Variants in KSR1 observed in about 807,000 individuals in gnomAD.
KSR1 encodes the protein kinase suppressor of ras 1.
In KSR1, 35 loss-of-function variants were observed where a neutral mutation model predicts 92.9. The ratio of observed to expected loss-of-function variants is 0.38; its 90% CI spans 0.29 to 0.50. The LOEUF (loss-of-function observed/expected upper bound fraction) is 0.50, where lower values mean the gene tolerates loss of function less well. Among genes scored for constraint, KSR1 ranks in the 20% least tolerant of loss-of-function variants. The probability of loss-of-function intolerance (pLI) is 0.94; values close to 1 mark genes in which losing one functional copy is unlikely to be tolerated. For missense variants in KSR1, 972 were observed against 1,158.5 expected (o/e 0.84, Z 2.34); for synonymous variants, 467 against 472.6 (o/e 0.99, Z 0.15).
intron 1 of KSR1, among the ~76,000 whole-genome samples, chr17:27,527,902 G>T (rs2070378806): frequency 6.6e-6 from 1 of 152,062 alleles, no homozygotes; most frequent in Non-Finnish European, 1.5e-5. Context: ...GTAATTCTTT[G>T]CTCTCCCCAA....
intron 1 of KSR1, chr17:27,526,505 TTCC>T: frequency 6.2e-7 from 1 of 1,604,112 alleles, no homozygotes; most frequent in Non-Finnish European, 8.5e-7. Flanking sequence ...TTATCCTGTG[TTCC>T]TCCTCTGCCA....
rs2073548328 is a variant in KSR1 at position 27,601,302 on chromosome 17, T to TC, written c.1469-56dup. ...CCCAAGCCGGTACCTGCAATTCCGCTCCTCCCTCCTGCGTTGGCCGTTCTG... is the reference window on the plus strand; with the variant it reads ...CCCAAGCCGGTACCTGCAATTCCGCTCCCTCCCTCCTGCGTTGGCCGTTCTG... On this transcript the variant is annotated intron_variant, in intron 10 of 20. Transcript: ENST00000644974. 4.1e-6 allele frequency: 6 copies of TC among 1,479,486 alleles called. No individual in the cohort carries two copies. In the Admixed American group the frequency reaches 1.0e-4, roughly 26 times the overall value. 91.6% of individuals were successfully genotyped at this position (1,479,486 alleles called of 1,614,324 possible).
rs148871617 is a variant in KSR1 at position 27,594,526 on chromosome 17, T to C, written c.1299+1900T>C. ...CTCTCTCTCTGTCCCAACTTCCCCATGAGCCCCTCCTGCGTGCACCTGCTC... is the reference window on the plus strand; with the variant it reads ...CTCTCTCTCTGTCCCAACTTCCCCACGAGCCCCTCCTGCGTGCACCTGCTC... On this transcript the variant is annotated intron_variant, in intron 9 of 20. Coordinates refer to ENST00000644974, the MANE Select transcript of KSR1 (RefSeq NM_001394583.1). 1.3e-3 allele frequency among the ~76,000 whole-genome samples: 197 copies of C among 152,192 alleles called. 1 individual carries two copies. The highest frequency in any genetic ancestry group is 4.5e-3 in the African/African-American group (189 of 41,546).
chr17:27,510,235 C>T (rs1175530614), intron 1 of KSR1, among the ~76,000 whole-genome samples: 1 of 152,174 alleles, frequency 6.6e-6, no homozygotes, highest in East Asian at 1.9e-4. Flanking sequence ...AAAAACCATC[C>T]CTGATTAGAC....
intron 1 of KSR1, among the ~76,000 whole-genome samples, chr17:27,483,080 C>T (rs533121976): frequency 6.6e-6 from 1 of 152,248 alleles, no homozygotes; most frequent in Admixed American, 6.5e-5. Context: ...ATGTGGTTAT[C>T]TGCTCATGTG....
At chr17:27,480,200 GCCT>G (rs1484893832) in intron 1 of KSR1, among the ~76,000 whole-genome samples, 1 of 151,894 alleles carries the variant, frequency 6.6e-6, no homozygotes, top group East Asian at 1.9e-4. Context: ...ATGCCCCCAG[GCCT>G]CCTCCCCTTG....
chr17:27,462,251 T>C (rs1213276805), intron 1 of KSR1, among the ~76,000 whole-genome samples: 1 of 152,226 alleles, frequency 6.6e-6, no homozygotes, highest in Non-Finnish European at 1.5e-5. Context: ...ATGGAGAGAC[T>C]GTCTTAGCAG....
chr17:27,557,336 G>C (rs2071638352), intron 2 of KSR1, among the ~76,000 whole-genome samples: 1 of 152,244 alleles, frequency 6.6e-6, no homozygotes, highest in Non-Finnish European at 1.5e-5. Context: ...GCATCAGGAG[G>C]AGTCCTGGGG....
chr17:27,599,534 G>T (rs1443808941), intron 10 of KSR1, among the ~76,000 whole-genome samples: 3 of 152,198 alleles, frequency 2.0e-5, no homozygotes, highest in African/African-American at 7.2e-5. Flanking sequence ...TCCAGCCTGG[G>T]TGACAGAGCA....
chr17:27,457,428 C>T (rs930660538), intron 1 of KSR1, among the ~76,000 whole-genome samples: 6 of 152,164 alleles, frequency 3.9e-5, no homozygotes, highest in Admixed American at 2.0e-4. Context: ...GCGTTTGGTG[C>T]TTTCCTTTCA....
intron 1 of KSR1, among the ~76,000 whole-genome samples, chr17:27,533,388 C>CTTT (rs61407882): frequency 6.9e-6 from 1 of 144,898 alleles, no homozygotes; most frequent in Non-Finnish European, 1.5e-5. Context: ...TGCAACCATT[C>CTTT]TTTTTTTTTT....
At chr17:27,525,905 A>C (rs1328451101) in intron 1 of KSR1, among the ~76,000 whole-genome samples, 3 of 152,214 alleles carry the variant, frequency 2.0e-5, no homozygotes, top group Admixed American at 2.0e-4. Context: ...GGAGAATGAA[A>C]AGAGCCCTTT....
chr17:27,527,396 C>CA (rs2070353422), intron 1 of KSR1, among the ~76,000 whole-genome samples: 1 of 99,798 alleles, frequency 1.0e-5, no homozygotes, highest in African/African-American at 3.5e-5. Flanking sequence ...CACCCGCCCC[C>CA]CCCCCCCCCT....
intron 2 of KSR1, among the ~76,000 whole-genome samples, chr17:27,556,837 C>T (rs2071614668): frequency 6.6e-6 from 1 of 152,168 alleles, no homozygotes; most frequent in East Asian, 1.9e-4. Flanking sequence ...TTGGTGTGGC[C>T]TCTGCTATGT....
Position 27,559,136 on chromosome 17 carries a change from A to G in KSR1, c.372+8428A>G, listed in dbSNP as rs2071722721. Among the ~76,000 whole-genome samples the G allele has an allele frequency of 6.6e-6, 1 of 152,202 alleles. No homozygotes were observed. Among genetic ancestry groups the G allele is most frequent in the South Asian group, 2.1e-4 (1 of 4,826 alleles). Reference sequence around the variant, plus strand: ...TCCAGGAAATAATGCCTTTTCTACTAGAGGAAGAGAGGGGATAGACATGGA... The same window carrying G: ...TCCAGGAAATAATGCCTTTTCTACTGGAGGAAGAGAGGGGATAGACATGGA... On this transcript the variant is annotated intron_variant, in intron 2 of 20. Transcript: ENST00000644974. The surrounding 1 kb of genome is among the most constrained non-coding windows in gnomAD (Gnocchi z 4.2).
At position 27,604,692 on chromosome 17, in the gene KSR1, G is replaced by C. The variant is rs55646895; in HGVS notation, c.1578G>C (p.Gln526His). Residue 526 changes from glutamine to histidine, a missense_variant, in exon 13 of 21, where the codon CAG becomes CAC. By Grantham distance (24) the Gln-to-His change is conservative (BLOSUM62 0). This residue lies in a region of KSR1 where 611 missense variants were observed against 668.0 expected (regional missense o/e 0.91). Coordinates refer to ENST00000644974, the MANE Select transcript of KSR1 (RefSeq NM_001394583.1). The part of the protein sequence containing the change: ...EAADGTRLDD[Q>H]PKADVLEAHE... ...TGTTTACTCTTAGGCTCGATGACCA[G>C]CCGAAAGCAGATGTGTTGGAAGCTC... 0.02 allele frequency: 32,338 copies of C among 1,613,986 alleles called. 419 individuals carry two copies. Among genetic ancestry groups the C allele is most frequent in the Non-Finnish European group, 0.024 (27,796 of 1,179,836 alleles).
chr17:27,577,035 G>A lies in KSR1; in HGVS notation c.373-457G>A, dbSNP rs2072534300. ...GCAGTAAGTGCCTCTGCAGTGTTTG[G>A]TGAGGTTTTTTTGTTTTTTTTTTTT... On this transcript the variant is annotated intron_variant, in intron 2 of 20. Coordinates refer to ENST00000644974, the MANE Select transcript of KSR1 (RefSeq NM_001394583.1). The surrounding 1 kb of genome is among the most constrained non-coding windows in gnomAD (Gnocchi z 4.5). 1.4e-5 allele frequency among the ~76,000 whole-genome samples: 2 copies of A among 138,194 alleles called. No homozygotes were observed. The allele number at this position is 138,194 out of a possible 152,430, so 90.7% of individuals were successfully genotyped here. A position where few individuals can be genotyped will look rare whatever the true frequency, so the allele number is the denominator to read the frequency against.
chr17:27,526,068 T>TTCTC (rs1438152652), intron 1 of KSR1, among the ~76,000 whole-genome samples: 1 of 57,980 alleles, frequency 1.7e-5, no homozygotes, highest in African/African-American at 8.7e-5. Flanking sequence ...CTCTCTTTCT[T>TTCTC]TCTCTTTCTT....
At chr17:27,535,651 C>T (rs2070728093) in intron 1 of KSR1, among the ~76,000 whole-genome samples, 1 of 152,014 alleles carries the variant, frequency 6.6e-6, no homozygotes, top group Non-Finnish European at 1.5e-5. Context: ...CCTGGTTTTC[C>T]TATCAGCTGC....
Sources: gnomAD v4.1 joint callset for allele counts (sites outside exome capture counted in the v4.1 genomes callset) on GRCh38, gnomAD v4.1.1 for gene constraint, gnomAD v4.1.1 regional missense constraint, Gnocchi (gnomAD v3.1) non-coding constraint, MANE v1.5 for transcripts, NCBI Gene and HGNC (gene_info 2026-07-23, HGNC 2026-07-21) for gene names.